PPP2R3A: variants seen among roughly 807,000 people sequenced by gnomAD.
The protein encoded by PPP2R3A is protein phosphatase 2 regulatory subunit B''alpha.
In PPP2R3A, 80 loss-of-function variants were observed where a neutral mutation model predicts 106.9. The observed-to-expected ratio is 0.75, with a 90% confidence interval of 0.62 to 0.90. The LOEUF is 0.90. Among genes scored for constraint, PPP2R3A ranks in the 40% least tolerant of loss-of-function variants. The pLI, the probability that PPP2R3A is intolerant of heterozygous loss-of-function variation, is 0.00. For missense variants in PPP2R3A, 1,386 were observed against 1,350.4 expected (o/e 1.03, Z -0.41); for synonymous variants, 483 against 468.3 (o/e 1.03, Z -0.41).
chr3:136,078,219 C>T, intron 6 of PPP2R3A, 148 bp from the exon 7 acceptor site: 1 of 624,496 alleles, frequency 1.6e-6, no homozygotes, highest in South Asian at 1.9e-5. Flanking sequence ...TTTAAAAATA[C>T]AGTGCTGATT....
Position 136,145,302 on chromosome 3 carries a change from T to C in PPP2R3A, c.*136T>C. The C allele has an allele frequency of 8.7e-7, 1 of 1,155,048 alleles. No homozygotes were observed. The highest frequency in any genetic ancestry group is 1.2e-6 in the Non-Finnish European group (1 of 857,658). 71.5% of individuals were successfully genotyped at this position (1,155,048 alleles called of 1,614,324 possible). ...GTATCATCTGCACTAGGAACTTTGT[T>C]TTTAAGCAATAGGTCTGGATACACA... On this transcript the variant is annotated 3_prime_UTR_variant, in exon 14 of 14. Coordinates refer to ENST00000264977, the MANE Select transcript of PPP2R3A (RefSeq NM_002718.5).
intron 5 of PPP2R3A, among the ~76,000 whole-genome samples, chr3:136,060,065 G>C (rs1936023789): frequency 6.6e-6 from 1 of 152,106 alleles, no homozygotes; most frequent in Non-Finnish European, 1.5e-5. Flanking sequence ...GAAATAATCT[G>C]TACAACCAAA....
At chr3:136,114,981 C>T (rs1379864409) in intron 13 of PPP2R3A, among the ~76,000 whole-genome samples, 1 of 152,184 alleles carries the variant, frequency 6.6e-6, no homozygotes, top group African/African-American at 2.4e-5. Context: ...GGAGACACCT[C>T]CCAGTAGGGG....
intron 3 of PPP2R3A, among the ~76,000 whole-genome samples, chr3:136,027,473 A>G (rs912240368): frequency 1.2e-4 from 19 of 152,188 alleles, no homozygotes; most frequent in African/African-American, 4.3e-4. Flanking sequence ...AATGCCAGAC[A>G]AGGAAGCATT....
chr3:136,117,491 TAAA>T (rs1559930011), intron 13 of PPP2R3A, among the ~76,000 whole-genome samples: 3 of 151,216 alleles, frequency 2.0e-5, no homozygotes, highest in African/African-American at 7.3e-5. Flanking sequence ...GCCAGACTAA[TAAA>T]GAAGAAAAGA....
At chr3:136,115,771 T>C (rs1048301283) in intron 13 of PPP2R3A, among the ~76,000 whole-genome samples, 8 of 151,998 alleles carry the variant, frequency 5.3e-5, no homozygotes, top group African/African-American at 1.9e-4. Flanking sequence ...TACGTTTGAT[T>C]GGTGAACCTG....
At chr3:136,048,462 G>A (rs928356467) in intron 4 of PPP2R3A, among the ~76,000 whole-genome samples, 2 of 152,136 alleles carry the variant, frequency 1.3e-5, no homozygotes, top group African/African-American at 2.4e-5. Flanking sequence ...CACAAGGTCA[G>A]GAGATCAAGA....
At chr3:136,112,043 C>T (rs1937599826) in intron 13 of PPP2R3A, among the ~76,000 whole-genome samples, 1 of 152,052 alleles carries the variant, frequency 6.6e-6, no homozygotes. Context: ...AAACAAAAAC[C>T]ACATGGTCAT....
intron 3 of PPP2R3A, among the ~76,000 whole-genome samples, chr3:136,027,312 A>G (rs1934703299): frequency 6.6e-6 from 1 of 152,112 alleles, no homozygotes; most frequent in South Asian, 2.1e-4. Context: ...CAACTCATAA[A>G]TTCATTCTCT....
intron 6 of PPP2R3A, among the ~76,000 whole-genome samples, chr3:136,072,198 A>G (rs781383896): frequency 6.6e-6 from 1 of 152,100 alleles, no homozygotes; most frequent in Non-Finnish European, 1.5e-5. Flanking sequence ...TAAGCTCCAT[A>G]CAAGCAGGAA....
chr3:136,019,821 A>G (rs1324394823), intron 2 of PPP2R3A, among the ~76,000 whole-genome samples: 1 of 152,194 alleles, frequency 6.6e-6, no homozygotes, highest in Non-Finnish European at 1.5e-5. Flanking sequence ...ACATTTTGAT[A>G]TATCAAAACT....
intron 2 of PPP2R3A, among the ~76,000 whole-genome samples, chr3:136,022,380 TC>T (rs1263030899): frequency 2.5e-4 from 38 of 152,310 alleles, no homozygotes; most frequent in African/African-American, 8.9e-4. Context: ...GATCAACAGA[TC>T]TTTTTGTAAA....
intron 5 of PPP2R3A, chr3:136,055,149 GCTTA>G (rs1935817344): frequency 8.1e-6 from 6 of 741,294 alleles, no homozygotes; most frequent in Non-Finnish European, 1.3e-5. Flanking sequence ...TTCCTTTTAG[GCTTA>G]CTTTGGTGTT....
At chr3:135,981,276 T>C (rs1289753280) in intron 1 of PPP2R3A, among the ~76,000 whole-genome samples, 1 of 151,832 alleles carries the variant, frequency 6.6e-6, no homozygotes, top group Non-Finnish European at 1.5e-5. Flanking sequence ...GTCTTGGAGC[T>C]GTAGCAGATT....
At chr3:136,060,076 C>T (rs1173340225) in intron 5 of PPP2R3A, among the ~76,000 whole-genome samples, 1 of 152,116 alleles carries the variant, frequency 6.6e-6, no homozygotes, top group African/African-American at 2.4e-5. Flanking sequence ...TACAACCAAA[C>T]CCTCTTGACG....
chr3:136,069,057 A>T lies in PPP2R3A; in HGVS notation c.2470-1421A>T, dbSNP rs138949304. 4.4e-3 allele frequency among the ~76,000 whole-genome samples: 666 copies of T among 152,324 alleles called. 3 individuals are homozygous for T. The highest frequency in any genetic ancestry group is 7.6e-3 in the Non-Finnish European group (516 of 68,028). The stretch of plus-strand genomic sequence containing the variant: ...GACTAACGAACTTTCACAGATTGGA[A>T]GAGACCAGTGAGACACAAAAGCTAA... On this transcript the variant is annotated intron_variant, in intron 5 of 13. Coordinates refer to ENST00000264977, the MANE Select transcript of PPP2R3A (RefSeq NM_002718.5).
At chr3:136,020,317 CT>C (rs1315141963) in intron 2 of PPP2R3A, among the ~76,000 whole-genome samples, 1 of 152,014 alleles carries the variant, frequency 6.6e-6, no homozygotes, top group Non-Finnish European at 1.5e-5. Flanking sequence ...ATTCTGATGT[CT>C]TTTGATAGAG....
At chr3:136,122,672 T>C (rs1196915530) in intron 13 of PPP2R3A, among the ~76,000 whole-genome samples, 1 of 152,214 alleles carries the variant, frequency 6.6e-6, no homozygotes, top group Non-Finnish European at 1.5e-5. Flanking sequence ...ACAGAGAGCA[T>C]ACTATGTAAC....
chr3:136,022,818 G>T (rs1272507909), intron 2 of PPP2R3A: 6 of 1,255,720 alleles, frequency 4.8e-6, no homozygotes, highest in Non-Finnish European at 6.0e-6. Context: ...GCCCACTGCA[G>T]GCTGTGTTTA....
Sources: gnomAD v4.1 joint callset for allele counts (sites outside exome capture counted in the v4.1 genomes callset) on GRCh38, gnomAD v4.1.1 for gene constraint, MANE v1.5 for transcripts, NCBI Gene and HGNC (gene_info 2026-07-23, HGNC 2026-07-21) for gene names.